The following CFAP54 variants were observed in gnomAD, a reference collection of about 807,000 sequenced individuals.
CFAP54 encodes cilia and flagella associated protein 54.
Under a neutral mutation model 370.4 loss-of-function variants are expected in CFAP54, and 290 were observed. The ratio of observed to expected loss-of-function variants is 0.78; its 90% CI spans 0.71 to 0.86. CFAP54 has a LOEUF of 0.86. CFAP54 is among the 40% of genes least tolerant of loss of function. The probability of loss-of-function intolerance (pLI) is 0.00; values close to 1 mark genes in which losing one functional copy is unlikely to be tolerated. For missense variants in CFAP54, 3,399 were observed against 3,528.7 expected, an observed-to-expected ratio of 0.96 and a Z score of 0.93; for synonymous variants, 1,206 against 1,236.5, an observed-to-expected ratio of 0.98 and a Z score of 0.52.
intron 25 of CFAP54, among the ~76,000 whole-genome samples, chr12:96,597,439 C>T (rs1480427740): frequency 6.6e-6 from 1 of 151,624 alleles, no homozygotes; most frequent in Non-Finnish European, 1.5e-5. Context: ...TCATAGTTGG[C>T]AACTGAGCAT....
chr12:96,537,940 G>A (rs1955525100), intron 12 of CFAP54, among the ~76,000 whole-genome samples: 1 of 151,908 alleles, frequency 6.6e-6, no homozygotes, highest in Admixed American at 6.6e-5. Flanking sequence ...ATACAAAAAT[G>A]AGCTGGGTGT....
chr12:96,612,205 C>T (rs536107690), intron 26 of CFAP54, among the ~76,000 whole-genome samples: 27 of 152,314 alleles, frequency 1.8e-4, no homozygotes, highest in Admixed American at 6.5e-4. Context: ...AGAAACTCTA[C>T]AAGCCAGAAG....
In CFAP54 at chr12:96,522,057, A is replaced by G. The variant is rs1167117505; in HGVS notation, c.1057-31A>G. 9.2e-6 allele frequency: 14 copies of G among 1,528,414 alleles called. No homozygotes were observed. In the Admixed American group the frequency reaches 1.4e-4, roughly 15 times the overall value. 94.7% of individuals were successfully genotyped at this position (1,528,414 alleles called of 1,614,324 possible). ...TAGTTGGGAAGTGCATCTCATTGTT[A>G]TTTCATGTATAATTCTGCTTTTTGA... On this transcript the variant is annotated intron_variant, in intron 7 of 67. Transcript: ENST00000524981.
intron 23 of CFAP54, among the ~76,000 whole-genome samples, chr12:96,591,272 A>G (rs1156276258): frequency 3.3e-5 from 5 of 152,236 alleles, no homozygotes; most frequent in African/African-American, 7.2e-5. Context: ...GTTGGCAATT[A>G]GCAGGCCATT....
chr12:96,513,378 G>C (rs1169168021), intron 5 of CFAP54, among the ~76,000 whole-genome samples: 1 of 152,130 alleles, frequency 6.6e-6, no homozygotes, highest in African/African-American at 2.4e-5. Context: ...GTCCTGGCTT[G>C]CCCAGGAAAG....
intron 40 of CFAP54, chr12:96,682,092 T>C: frequency 1.1e-6 from 1 of 899,898 alleles, no homozygotes; most frequent in Non-Finnish European, 1.3e-6. Flanking sequence ...CAACTTCCCT[T>C]CTTTCTACAT....
Position 96,602,307 on chromosome 12 carries a change from T to A in CFAP54, c.3639+3540T>A, listed in dbSNP as rs142780892. Among the ~76,000 whole-genome samples the A allele has an allele frequency of 5.4e-3, 823 of 152,364 alleles. 10 individuals are homozygous for A. The highest frequency in any genetic ancestry group is 0.018 in the African/African-American group (769 of 41,592). Reference sequence around the variant, plus strand: ...ATCCCGAGTTCTAATTTGATTGCACTCTGGTCTGAGAGACAGTTTGTTGTG... The same window carrying A: ...ATCCCGAGTTCTAATTTGATTGCACACTGGTCTGAGAGACAGTTTGTTGTG... On this transcript the variant is annotated intron_variant, in intron 26 of 67. Transcript: ENST00000524981.
In CFAP54 at chr12:96,527,289, T is replaced by C. The variant is rs1955393635; in HGVS notation, c.1202T>C (p.Met401Thr). Residue 401 changes from methionine (M) to threonine (T), a missense_variant, in exon 9 of 68, where the codon ATG (methionine) becomes ACG (threonine). By Grantham distance (81) the Met-to-Thr change is moderately conservative. Coordinates refer to ENST00000524981, the MANE Select transcript of CFAP54 (RefSeq NM_001306084.2). Reference protein sequence around the residue: ...RTVTERLLDEMFDSTASQFLA... With the variant: ...RTVTERLLDETFDSTASQFLA... ...GTCACAGAGCGGCTACTGGATGAGA[T>C]GTTTGATAGCACTGCATCCCAGTTT... The C allele has an allele frequency of 1.3e-6, 2 of 1,533,426 alleles. No homozygotes were observed. The highest frequency in any genetic ancestry group is 1.7e-6 in the Non-Finnish European group (2 of 1,145,916). The allele number at this position is 1,533,426 out of a possible 1,614,324, so 95.0% of individuals were successfully genotyped here. A position where few individuals can be genotyped will look rare whatever the true frequency, so the allele number is the denominator to read the frequency against.
intron 9 of CFAP54, among the ~76,000 whole-genome samples, chr12:96,530,791 C>T (rs1955434003): frequency 6.6e-6 from 1 of 152,198 alleles, no homozygotes. Flanking sequence ...TATATTTCCA[C>T]CAGCAATGTG....
intron 19 of CFAP54, among the ~76,000 whole-genome samples, chr12:96,569,234 C>T (rs1330763806): frequency 1.3e-5 from 2 of 152,158 alleles, no homozygotes; most frequent in Non-Finnish European, 1.5e-5. Context: ...ATCCATTTCC[C>T]CTTCCAAACT....
At chr12:96,851,192 A>G (rs1392044063) in intron 66 of CFAP54, among the ~76,000 whole-genome samples, 1 of 152,144 alleles carries the variant, frequency 6.6e-6, no homozygotes, top group Admixed American at 6.5e-5. Context: ...CTTAATATTT[A>G]TGACATTGAT....
At position 96,647,471 on chromosome 12, in the gene CFAP54, C is replaced by CGAAAAAAAAAAA. The variant is rs1167008566; in HGVS notation, c.4548-404_4548-403insGAAAAAAAAAAA. The stretch of plus-strand genomic sequence containing the variant: ...CTGGGCGACAGAGCGAGACTCTGTC[C>CGAAAAAAAAAAA]CAAAAAAAAAAAAAAAAAAAAAAAA... On this transcript the variant is annotated intron_variant, in intron 33 of 67. Transcript: ENST00000524981. 5.2e-3 allele frequency among the ~76,000 whole-genome samples: 56 copies of CGAAAAAAAAAAA among 10,690 alleles called. 1 individual carries two copies. The highest frequency in any genetic ancestry group is 0.012 in the Non-Finnish European group (47 of 3,980). 7.0% of individuals were successfully genotyped at this position (10,690 alleles called of 152,430 possible).
chr12:96,792,395 G>T lies in CFAP54; in HGVS notation c.8746G>T (p.Asp2916Tyr), dbSNP rs1037473716. ...FKPVSGSSCV[D>Y]ITPIEMVTQA... ...GCCTGTTTCAGGCTCATCTTGTGTG[G>T]ACATAACGCCAATAGAAATGGTAAC... The change falls in exon 63 of 68, where the codon GAC becomes TAC. Residue 2916 changes from aspartate (D) to tyrosine (Y), a missense_variant. Physicochemically the swap from Asp to Tyr is radical, Grantham distance 160. Coordinates refer to ENST00000524981, the MANE Select transcript of CFAP54 (RefSeq NM_001306084.2). 3 of 1,535,796 alleles carry T rather than the reference G, an allele frequency of 2.0e-6. No individual in the cohort carries two copies. The highest frequency in any genetic ancestry group is 2.6e-6 in the Non-Finnish European group (3 of 1,146,726).
At chr12:96,664,688 G>T (rs1376740628) in intron 39 of CFAP54, among the ~76,000 whole-genome samples, 161 of 88,574 alleles carry the variant, frequency 1.8e-3, no homozygotes, top group African/African-American at 3.3e-3. Context: ...TATTCCTTTG[G>T]GTATATATCT....
At chr12:96,763,383 A>G (rs946894132) in intron 58 of CFAP54, among the ~76,000 whole-genome samples, 1 of 152,170 alleles carries the variant, frequency 6.6e-6, no homozygotes, top group Non-Finnish European at 1.5e-5. Context: ...ATGATAGCAA[A>G]TACTGCCAAA....
intron 50 of CFAP54, among the ~76,000 whole-genome samples, chr12:96,738,704 G>T (rs1170790473): frequency 1.4e-5 from 2 of 146,724 alleles, no homozygotes; most frequent in African/African-American, 5.1e-5. Flanking sequence ...TCCGCCTCCT[G>T]GATTCAAGCG....
At chr12:96,505,496 G>A (rs1955089485) in intron 3 of CFAP54, among the ~76,000 whole-genome samples, 1 of 147,472 alleles carries the variant, frequency 6.8e-6, no homozygotes. Flanking sequence ...CCCTATAATA[G>A]CCTCACTTTT....
chr12:96,687,956 A>G (rs991393201), intron 42 of CFAP54, among the ~76,000 whole-genome samples: 1 of 152,220 alleles, frequency 6.6e-6, no homozygotes, highest in Admixed American at 6.5e-5. Context: ...CAGAAGTCTG[A>G]CTGCCATAGG....
chr12:96,619,653 T>C (rs1467737662), intron 26 of CFAP54, among the ~76,000 whole-genome samples: 3 of 152,194 alleles, frequency 2.0e-5, no homozygotes, highest in Admixed American at 1.3e-4. Context: ...TTCTTTATCA[T>C]TTATTATTTT....
Sources: allele counts gnomAD v4.1 joint callset (sites outside exome capture counted in the v4.1 genomes callset), GRCh38; gene constraint gnomAD v4.1.1; transcripts MANE v1.5; gene names NCBI Gene and HGNC (gene_info 2026-07-23, HGNC 2026-07-21).